Variants in HIPK2 observed in about 807,000 individuals in gnomAD.
HIPK2 encodes the protein homeodomain-interacting protein kinase 2.
In HIPK2, 27 loss-of-function variants were observed where a neutral mutation model predicts 113.7. The observed-to-expected ratio is 0.24, with a 90% CI of 0.17 to 0.33. The LOEUF is 0.33. HIPK2 is among the 10% of genes least tolerant of loss of function. The pLI is 1.00. For missense variants in HIPK2, 1,257 were observed against 1,588.0 expected (o/e 0.79, Z 3.54); for synonymous variants, 631 against 642.2 (o/e 0.98, Z 0.26).
chr7:139,661,268 A>G (rs548936683), intron 2 of HIPK2, among the ~76,000 whole-genome samples: 2 of 152,314 alleles, frequency 1.3e-5, no homozygotes, highest in African/African-American at 2.4e-5. Context: ...CCGACACCCA[A>G]TATAAGCGTC....
chr7:139,615,635 C>T (rs144230189), intron 7 of HIPK2, among the ~76,000 whole-genome samples: 88 of 152,276 alleles, frequency 5.8e-4, no homozygotes, highest in African/African-American at 2.0e-3. Flanking sequence ...AGAGGTTTTG[C>T]CTCTAGAAGT....
At chr7:139,754,817 G>A (rs77969747) in intron 1 of HIPK2, among the ~76,000 whole-genome samples, 1,767 of 152,248 alleles carry the variant, frequency 0.012, 29 homozygotes, top group African/African-American at 0.04. Context: ...GATGGAATTC[G>A]AAAGCTAGGA....
In HIPK2 at chr7:139,573,133, C is replaced by A. The variant is rs370105109; in HGVS notation, c.3391G>T (p.Val1131Leu). The change falls in exon 15 of 15, where the codon GTG (valine) becomes TTG (leucine). Residue 1131 changes from valine to leucine, a missense_variant. Val to Leu is a conservative substitution (Grantham distance 32, BLOSUM62 1). Transcript: ENST00000406875. The stretch of plus-strand genomic sequence containing the variant: ...CTGGCTGGGTAGGCAGTGTGCTGCA[C>A]GGTGTGGCGCGCAGAGCCTTGCGAG... ...VASQGSARHT[V>L]QHTAYPASIV... 6.2e-7 allele frequency: 1 copy of A among 1,611,036 alleles called. No homozygotes were observed. Among genetic ancestry groups the A allele is most frequent in the Non-Finnish European group, 8.5e-7 (1 of 1,179,088 alleles).
At chr7:139,636,641 G>A (rs971854211) in intron 2 of HIPK2, among the ~76,000 whole-genome samples, 12 of 152,144 alleles carry the variant, frequency 7.9e-5, no homozygotes, top group African/African-American at 2.9e-4. Flanking sequence ...GCCACCCGAG[G>A]CAGGAAGAGA....
At chr7:139,582,471 G>C (rs1585235590) in intron 13 of HIPK2, among the ~76,000 whole-genome samples, 1 of 152,268 alleles carries the variant, frequency 6.6e-6, no homozygotes, top group African/African-American at 2.4e-5. Flanking sequence ...TGATGTCAAA[G>C]CTGCTTGGAG....
intron 1 of HIPK2, among the ~76,000 whole-genome samples, chr7:139,756,842 C>G (rs1293320409): frequency 6.6e-6 from 1 of 152,192 alleles, no homozygotes; most frequent in African/African-American, 2.4e-5. Flanking sequence ...TCCCATATCT[C>G]CTTTAAGGCA....
chr7:139,623,766 G>C (rs1800325240), intron 6 of HIPK2, among the ~76,000 whole-genome samples: 1 of 152,018 alleles, frequency 6.6e-6, no homozygotes. Flanking sequence ...AAAGGGGCGG[G>C]TCCAGCCTTG....
chr7:139,706,160 T>C (rs1050574807), intron 2 of HIPK2, among the ~76,000 whole-genome samples: 2 of 152,246 alleles, frequency 1.3e-5, no homozygotes, highest in Non-Finnish European at 2.9e-5. Flanking sequence ...AAGACAGATG[T>C]TGGCTGATTT....
intron 13 of HIPK2, among the ~76,000 whole-genome samples, chr7:139,576,987 C>T (rs1287858038): frequency 6.6e-6 from 1 of 152,172 alleles, no homozygotes; most frequent in Non-Finnish European, 1.5e-5. Context: ...AGAGGGCTGC[C>T]TAACACACAG....
At chr7:139,744,813 C>T (rs1457862538) in intron 1 of HIPK2, among the ~76,000 whole-genome samples, 2 of 152,204 alleles carry the variant, frequency 1.3e-5, no homozygotes, top group Non-Finnish European at 1.5e-5. Flanking sequence ...CGCTTCACCA[C>T]GCTGCTCCCT....
At chr7:139,655,127 C>T (rs1801616602) in intron 2 of HIPK2, among the ~76,000 whole-genome samples, 1 of 152,166 alleles carries the variant, frequency 6.6e-6, no homozygotes, top group Non-Finnish European at 1.5e-5. Context: ...GGTCCCCAGC[C>T]TGGAGCTGAG....
At chr7:139,731,425 T>C (rs1175516790) in intron 1 of HIPK2, among the ~76,000 whole-genome samples, 1 of 152,218 alleles carries the variant, frequency 6.6e-6, no homozygotes, top group Non-Finnish European at 1.5e-5. Context: ...GCATCTAAAG[T>C]TCGATCTGTT....
At position 139,716,512 on chromosome 7, in the gene HIPK2, T is replaced by C. The variant is rs746787655; in HGVS notation, c.523A>G (p.Asn175Asp). The change falls in exon 2 of 15, where the codon AAC becomes GAC. Residue 175 changes from asparagine (N) to aspartate (D), a missense_variant. By Grantham distance (23) the Asn-to-Asp change is conservative. Transcript: ENST00000406875. This position sits in a 1 kb window ranked among gnomAD's most constrained non-coding sequence, Gnocchi z 9.3. ...TCGCCCTCGCTGTTGGAGCCGCTGT[T>C]TTTGGAGGTGGCAGTAGACGTGGTG... Reference protein sequence around the residue: ...TATTSTATSKNSGSNSEGDYQ... With the variant: ...TATTSTATSKDSGSNSEGDYQ... 57 of 1,613,794 alleles carry C rather than the reference T, an allele frequency of 3.5e-5. No individual in the cohort carries two copies. The highest frequency in any genetic ancestry group is 4.7e-5 in the Non-Finnish European group (55 of 1,179,868).
rs770949231 is a variant in HIPK2 at position 139,600,447 on chromosome 7, C to T, written c.2405G>A (p.Arg802Gln). The T allele has an allele frequency of 1.5e-5, 25 of 1,613,608 alleles. No individual in the cohort carries two copies. Among genetic ancestry groups the T allele is most frequent in the South Asian group, 9.9e-5 (9 of 91,066 alleles). The change falls in exon 11 of 15, where the codon CGG becomes CAG. Residue 802 changes from arginine to glutamine, a missense_variant. By Grantham distance (43) the Arg-to-Gln change is conservative (BLOSUM62 1). Coordinates refer to ENST00000406875, the MANE Select transcript of HIPK2 (RefSeq NM_022740.5). Reference protein sequence around the residue: ...RQQPTSTTSSRKSKQHQSSVR... With the variant: ...RQQPTSTTSSQKSKQHQSSVR... ...AGATGACTGGTGCTGCTTACTCTTC[C>T]GGGAGGAGGTGGTGCTGGTTGGCTG...
chr7:139,748,366 C>T (rs145245050), intron 1 of HIPK2, among the ~76,000 whole-genome samples: 1 of 152,184 alleles, frequency 6.6e-6, no homozygotes, highest in Non-Finnish European at 1.5e-5. Context: ...CCTAGTATAA[C>T]ACAGCACCAC....
chr7:139,727,935 ATTTTTTTTTT>A (rs10524758), intron 1 of HIPK2, among the ~76,000 whole-genome samples: 30 of 116,672 alleles, frequency 2.6e-4, no homozygotes, highest in Admixed American at 2.7e-4. Context: ...GCATTGGCTA[ATTTTTTTTTT>A]TTTTTTTTTT....
chr7:139,744,339 T>C (rs1191789949), intron 1 of HIPK2, among the ~76,000 whole-genome samples: 1 of 152,218 alleles, frequency 6.6e-6, no homozygotes, highest in African/African-American at 2.4e-5. Context: ...ATTGTCTGAT[T>C]CCATTTCAAT....
intron 1 of HIPK2, among the ~76,000 whole-genome samples, chr7:139,721,376 A>C (rs1005427003): frequency 2.0e-5 from 3 of 152,188 alleles, no homozygotes; most frequent in African/African-American, 7.2e-5. Flanking sequence ...TTTCTCCTTG[A>C]GAGTATTTCT....
intron 2 of HIPK2, among the ~76,000 whole-genome samples, chr7:139,647,792 G>A (rs779734357): frequency 6.6e-6 from 1 of 152,204 alleles, no homozygotes; most frequent in African/African-American, 2.4e-5. Context: ...CCTGTGAGAT[G>A]TTTGAAAGAA....
Sources: gnomAD v4.1 joint callset for allele counts (sites outside exome capture counted in the v4.1 genomes callset) on GRCh38, gnomAD v4.1.1 for gene constraint, Gnocchi (gnomAD v3.1) non-coding constraint, MANE v1.5 for transcripts, NCBI Gene and HGNC (gene_info 2026-07-23, HGNC 2026-07-21) for gene names.